CNTNAP2: variants seen among roughly 807,000 people sequenced by gnomAD.
CNTNAP2 encodes the protein contactin-associated protein-like 2.
CNTNAP2 carries 98 observed loss-of-function variants against 155.2 expected under a neutral mutation model. The ratio of observed to expected loss-of-function variants is 0.63; its 90% CI spans 0.54 to 0.75. CNTNAP2 has a LOEUF of 0.75. CNTNAP2 is among the 30% of genes least tolerant of loss of function. The pLI, the probability that CNTNAP2 is intolerant of heterozygous loss-of-function variation, is 0.00. For synonymous variants in CNTNAP2, 651 were observed against 631.2 expected (o/e 1.03, Z -0.47); for missense variants, 1,727 against 1,688.1 (o/e 1.02, Z -0.40).
chr7:146,174,588 A>G (rs1289565618), intron 1 of CNTNAP2, among the ~76,000 whole-genome samples: 2 of 152,098 alleles, frequency 1.3e-5, no homozygotes, highest in Admixed American at 1.3e-4. Flanking sequence ...CTGTAATCCC[A>G]GCACTTTGGG....
intron 1 of CNTNAP2, among the ~76,000 whole-genome samples, chr7:146,326,886 T>C (rs1029822955): frequency 6.6e-6 from 1 of 152,360 alleles, no homozygotes; most frequent in African/African-American, 2.4e-5. Context: ...AATTCACATT[T>C]CATTTATTAT....
intron 22 of CNTNAP2, among the ~76,000 whole-genome samples, chr7:148,396,997 G>T (rs996049874): frequency 3.3e-5 from 5 of 152,156 alleles, no homozygotes; most frequent in African/African-American, 1.2e-4. Context: ...TTAGAAAACT[G>T]GAAAGGATAC....
At chr7:146,480,536 G>A (rs1796943647) in intron 1 of CNTNAP2, among the ~76,000 whole-genome samples, 1 of 151,790 alleles carries the variant, frequency 6.6e-6, no homozygotes, top group African/African-American at 2.4e-5. Flanking sequence ...AGAAGTTGAT[G>A]CACCTTTGTA....
chr7:146,952,391 C>T (rs980861520), intron 3 of CNTNAP2, among the ~76,000 whole-genome samples: 2 of 152,128 alleles, frequency 1.3e-5, no homozygotes, highest in Non-Finnish European at 2.9e-5. Flanking sequence ...CCCTCTCTCA[C>T]CACTCCTATT....
At chr7:146,490,875 T>C (rs1797128492) in intron 1 of CNTNAP2, among the ~76,000 whole-genome samples, 1 of 152,176 alleles carries the variant, frequency 6.6e-6, no homozygotes. Flanking sequence ...TACTGATAAA[T>C]GGCGAAGCAG....
chr7:148,119,406 C>T (rs1250133928), intron 16 of CNTNAP2, among the ~76,000 whole-genome samples: 2 of 151,492 alleles, frequency 1.3e-5, no homozygotes, highest in Non-Finnish European at 1.5e-5. Flanking sequence ...GGCGGGGGCG[C>T]CTGTAGTCCC....
chr7:147,644,870 C>T (rs1795340982), intron 13 of CNTNAP2, among the ~76,000 whole-genome samples: 1 of 151,934 alleles, frequency 6.6e-6, no homozygotes, highest in African/African-American at 2.4e-5. Flanking sequence ...AATTTTTTTG[C>T]TGAAGTATTG....
intron 3 of CNTNAP2, among the ~76,000 whole-genome samples, chr7:146,933,547 A>G (rs1447367171): frequency 6.6e-6 from 1 of 150,694 alleles, no homozygotes; most frequent in African/African-American, 2.4e-5. Context: ...TCATGTCTAA[A>G]ACACCAAAAG....
chr7:147,498,272 G>T (rs1300823474), intron 11 of CNTNAP2, among the ~76,000 whole-genome samples: 1 of 152,154 alleles, frequency 6.6e-6, no homozygotes, highest in Non-Finnish European at 1.5e-5. Context: ...GAAGTGGGCT[G>T]GGAGGGGAAG....
chr7:147,403,406 T>TA (rs952393625), intron 10 of CNTNAP2, among the ~76,000 whole-genome samples: 1 of 152,220 alleles, frequency 6.6e-6, no homozygotes, highest in Non-Finnish European at 1.5e-5. Context: ...GGAATGTCCT[T>TA]AACCTCAGCA....
intron 21 of CNTNAP2, among the ~76,000 whole-genome samples, chr7:148,346,005 T>C (rs1395945859): frequency 1.3e-5 from 2 of 152,156 alleles, no homozygotes; most frequent in Non-Finnish European, 2.9e-5. Flanking sequence ...CCCCTTTCCC[T>C]ATCAACCAGC....
intron 15 of CNTNAP2, among the ~76,000 whole-genome samples, chr7:148,101,961 G>A (rs1303239957): frequency 1.3e-5 from 2 of 152,130 alleles, no homozygotes; most frequent in Non-Finnish European, 2.9e-5. Flanking sequence ...AAAAAAAGAG[G>A]ACCAAAACTT....
chr7:147,888,826 A>C (rs1000162784), intron 13 of CNTNAP2, among the ~76,000 whole-genome samples: 1 of 151,942 alleles, frequency 6.6e-6, no homozygotes, highest in Admixed American at 6.6e-5. Flanking sequence ...ATGATAACAT[A>C]CTACCCTCTG....
chr7:147,747,272 C>T (rs1428465706), intron 13 of CNTNAP2, among the ~76,000 whole-genome samples: 1 of 152,172 alleles, frequency 6.6e-6, no homozygotes, highest in East Asian at 1.9e-4. Flanking sequence ...TTTTTCTCAT[C>T]AGTCCTTTCC....
intron 1 of CNTNAP2, among the ~76,000 whole-genome samples, chr7:146,523,273 T>A (rs935155105): frequency 6.6e-6 from 1 of 152,080 alleles, no homozygotes; most frequent in Non-Finnish European, 1.5e-5. Flanking sequence ...TCAGTAAAAT[T>A]TCGGTCCAAT....
chr7:146,825,491 A>T (rs1292361878), intron 2 of CNTNAP2, among the ~76,000 whole-genome samples: 1 of 152,172 alleles, frequency 6.6e-6, no homozygotes, highest in African/African-American at 2.4e-5. Flanking sequence ...CATTTGAGTT[A>T]GATCTTAAAG....
chr7:147,559,146 G>A (rs1800010524), intron 11 of CNTNAP2, among the ~76,000 whole-genome samples: 1 of 152,192 alleles, frequency 6.6e-6, no homozygotes, highest in Non-Finnish European at 1.5e-5. Context: ...AAAGTGTTGG[G>A]ATTACAGGCA....
intron 9 of CNTNAP2, among the ~76,000 whole-genome samples, chr7:147,355,975 A>G (rs1289216438): frequency 1.3e-5 from 2 of 152,152 alleles, no homozygotes; most frequent in African/African-American, 4.8e-5. Flanking sequence ...TGGCAGAGAC[A>G]CAATAAGAAA....
intron 11 of CNTNAP2, among the ~76,000 whole-genome samples, chr7:147,518,987 C>A (rs183075147): frequency 7.1e-6 from 1 of 141,074 alleles, no homozygotes; most frequent in Non-Finnish European, 1.5e-5. Flanking sequence ...GCCGAGATAG[C>A]GCCACTGCAC....
Sources: gnomAD v4.1 joint callset for allele counts (sites outside exome capture counted in the v4.1 genomes callset) on GRCh38, gnomAD v4.1.1 for gene constraint, MANE v1.5 for transcripts, NCBI Gene and HGNC (gene_info 2026-07-23, HGNC 2026-07-21) for gene names.